PDIA5: variants seen among roughly 807,000 people sequenced by gnomAD.
The protein encoded by PDIA5 is protein disulfide-isomerase A5.
In PDIA5, 58 loss-of-function variants were observed where a neutral mutation model predicts 77.6. The observed-to-expected ratio is 0.75, with a 90% CI of 0.61 to 0.93. The LOEUF is 0.93. Ranked by LOEUF, PDIA5 falls within the 40% of genes least tolerant of loss-of-function variation. The pLI, the probability that PDIA5 is intolerant of heterozygous loss-of-function variation, is 0.00. For missense variants in PDIA5, 630 were observed against 647.7 expected (o/e 0.97, Z 0.30); for synonymous variants, 250 against 252.1 (o/e 0.99, Z 0.08).
chr3:123,107,130 TTCTC>T (rs1447526918), intron 6 of PDIA5, among the ~76,000 whole-genome samples: 1 of 152,194 alleles, frequency 6.6e-6, no homozygotes, highest in Non-Finnish European at 1.5e-5. Flanking sequence ...GATTTAAATG[TTCTC>T]TCTCTATTGT....
chr3:123,161,028 A>C (rs575723703), intron 15 of PDIA5, among the ~76,000 whole-genome samples: 1 of 152,166 alleles, frequency 6.6e-6, no homozygotes, highest in Non-Finnish European at 1.5e-5. Context: ...GGTGTTTACA[A>C]ATGCTTTCAA....
In PDIA5 at chr3:123,147,426, G is replaced by A. The variant is rs146206168; in HGVS notation, c.1142+1167G>A. Among the ~76,000 whole-genome samples the A allele has an allele frequency of 4.0e-3, 610 of 152,206 alleles. 1 individual carries two copies. The highest frequency in any genetic ancestry group is 0.014 in the African/African-American group (574 of 41,498). Reference sequence around the variant, plus strand: ...GAGGGGGACACAGTTGAACCTATACGGTCTGAGCTACTTTGTTAGGACATC... The same window carrying A: ...GAGGGGGACACAGTTGAACCTATACAGTCTGAGCTACTTTGTTAGGACATC... On this transcript the variant is annotated intron_variant, in intron 13 of 16. Coordinates refer to ENST00000316218, the MANE Select transcript of PDIA5 (RefSeq NM_006810.4).
chr3:123,092,339 T>G lies in PDIA5; in HGVS notation c.170-16T>G, dbSNP rs1458889479. ...CCTTGGTCACAGATGTTTAATTTTTTGTTTTTTTTTTACAGAGGTGGCAGC... is the reference window on the plus strand; with the variant it reads ...CCTTGGTCACAGATGTTTAATTTTTGGTTTTTTTTTTACAGAGGTGGCAGC... On this transcript the variant is annotated splice_polypyrimidine_tract_variant and intron_variant, in intron 2 of 16. Coordinates refer to ENST00000316218, the MANE Select transcript of PDIA5 (RefSeq NM_006810.4). 2.1e-5 allele frequency: 33 copies of G among 1,588,422 alleles called. No homozygotes were observed. Among genetic ancestry groups the G allele is most frequent in the Non-Finnish European group, 2.8e-5 (32 of 1,157,126 alleles).
chr3:123,092,548 G>A (rs1039753841), intron 3 of PDIA5, 106 bp downstream of exon 3: 2 of 842,082 alleles, frequency 2.4e-6, no homozygotes, highest in Admixed American at 2.0e-5. Context: ...CTGGGAGAGA[G>A]GATGCGATGG....
At chr3:123,108,270 C>T (rs1195846215) in intron 6 of PDIA5, among the ~76,000 whole-genome samples, 1 of 147,878 alleles carries the variant, frequency 6.8e-6, no homozygotes, top group African/African-American at 2.5e-5. Flanking sequence ...GTATTGTCAT[C>T]TTGAAGATGT....
intron 8 of PDIA5, among the ~76,000 whole-genome samples, chr3:123,118,233 T>C (rs574703393): frequency 3.3e-5 from 5 of 152,218 alleles, no homozygotes; most frequent in Non-Finnish European, 7.3e-5. Context: ...CTGGAGACAT[T>C]GGCCTTGGGG....
At chr3:123,120,716 G>T (rs935808710) in intron 8 of PDIA5, among the ~76,000 whole-genome samples, 9 of 152,166 alleles carry the variant, frequency 5.9e-5, no homozygotes, top group Non-Finnish European at 1.3e-4. Context: ...TCAAATGCAT[G>T]TCTGAAAATT....
Position 123,110,980 on chromosome 3 carries a change from C to A in PDIA5, c.517C>A (p.Leu173Ile), listed in dbSNP as rs367788985. 6.2e-7 allele frequency: 1 copy of A among 1,613,796 alleles called. No individual in the cohort carries two copies. Among genetic ancestry groups the A allele is most frequent in the Non-Finnish European group, 8.5e-7 (1 of 1,179,898 alleles). Residue 173 changes from leucine to isoleucine, a missense_variant, in exon 7 of 17, where the codon CTC becomes ATC. Physicochemically the swap from Leu to Ile is conservative, Grantham distance 5. Transcript: ENST00000316218. ...RRLLKKEEKP[L>I]LIMFYAPWCS... The stretch of plus-strand genomic sequence containing the variant: ...GCTCCTGAAGAAGGAAGAGAAGCCG[C>A]TCCTGATCATGTTTTATGCCCCCTG...
At chr3:123,073,247 G>A (rs1933770735) in intron 1 of PDIA5, among the ~76,000 whole-genome samples, 1 of 152,222 alleles carries the variant, frequency 6.6e-6, no homozygotes, top group Non-Finnish European at 1.5e-5. Context: ...AGGGATGGGT[G>A]GCTGGACAGG....
At chr3:123,132,018 C>T (rs1458121504) in intron 11 of PDIA5, among the ~76,000 whole-genome samples, 1 of 152,206 alleles carries the variant, frequency 6.6e-6, no homozygotes, top group African/African-American at 2.4e-5. Flanking sequence ...TCCTCTTAAT[C>T]ATAGGGTCCT....
chr3:123,130,524 A>T lies in PDIA5; in HGVS notation c.818A>T (p.Asp273Val), dbSNP rs967953203. 5.6e-6 allele frequency: 9 copies of T among 1,613,986 alleles called. No homozygotes were observed. The highest frequency in any genetic ancestry group is 1.3e-5 in the African/African-American group (1 of 74,930). ...QPQVPETPWA[D>V]EGGSVYHLTD... Reference sequence around the variant, plus strand: ...CAGGTCCCTGAGACTCCCTGGGCAGATGAGGGCGGCTCCGTTTATCACCTG... The same window carrying T: ...CAGGTCCCTGAGACTCCCTGGGCAGTTGAGGGCGGCTCCGTTTATCACCTG... Residue 273 changes from aspartate to valine, a missense_variant, in exon 11 of 17, where the codon GAT becomes GTT. By Grantham distance (152) the Asp-to-Val change is radical. Transcript: ENST00000316218.
intron 10 of PDIA5, among the ~76,000 whole-genome samples, chr3:123,128,595 A>T (rs1252200889): frequency 6.6e-6 from 1 of 151,966 alleles, no homozygotes; most frequent in Non-Finnish European, 1.5e-5. Context: ...GCAGCTTTGA[A>T]CTCCTGGACT....
intron 7 of PDIA5, 44 bp downstream of exon 7, chr3:123,111,048 T>A: frequency 1.4e-6 from 2 of 1,454,512 alleles, no homozygotes; most frequent in Non-Finnish European, 1.9e-6. Context: ...TTGTTTAGTC[T>A]CTTTGTGGGT....
At chr3:123,151,232 T>G (rs1935885630) in intron 14 of PDIA5, among the ~76,000 whole-genome samples, 1 of 152,260 alleles carries the variant, frequency 6.6e-6, no homozygotes, top group South Asian at 2.1e-4. Flanking sequence ...TCTTTCTGCC[T>G]TTCCTTCTCA....
At position 123,089,045 on chromosome 3, in the gene PDIA5, T is replaced by C. The variant is rs149210093; in HGVS notation, c.43-123T>C. The C allele has an allele frequency of 3.0e-3, 2,447 of 813,964 alleles. 39 individuals are homozygous for C. In the African/African-American group the frequency reaches 0.037, roughly 12 times the overall value. 50.4% of individuals were successfully genotyped at this position (813,964 alleles called of 1,614,324 possible). A position where few individuals can be genotyped will look rare whatever the true frequency, so the allele number is the denominator to read the frequency against. ...GAAGAAGTAGGTGTGGTGCATGAGA[T>C]GTGTTGGTTTGCCCTCATCCTCTGG... is the stretch of plus-strand genomic sequence containing the variant. On this transcript the variant is annotated intron_variant, in intron 1 of 16. Coordinates refer to ENST00000316218, the MANE Select transcript of PDIA5 (RefSeq NM_006810.4).
At chr3:123,127,050 G>T (rs1472779885) in intron 10 of PDIA5, among the ~76,000 whole-genome samples, 2 of 152,176 alleles carry the variant, frequency 1.3e-5, no homozygotes, top group Admixed American at 6.5e-5. Flanking sequence ...TTTGGGCAGG[G>T]TCATTTTGGC....
rs573691069 is a variant in PDIA5, at chr3:123,102,429, A to G, written c.276A>G (p.Lys92=). The change falls in exon 4 of 17, where the codon AAA becomes AAG. Residue 92 remains lysine (K), a synonymous_variant. Coordinates refer to ENST00000316218, the MANE Select transcript of PDIA5 (RefSeq NM_006810.4). ...CTTCCAGTGATGCAGAGAGTAGAAA[A>G]TTGTGCAAGAAGATGAAAGTTGACC... ...WVDCGDAESR[K]LCKKMKVDLS... is the part of the protein sequence containing the mutation. 1 of 1,613,962 alleles carries G rather than the reference A, an allele frequency of 6.2e-7. No homozygotes were observed. The highest frequency in any genetic ancestry group is 8.5e-7 in the Non-Finnish European group (1 of 1,179,780).
In PDIA5 at chr3:123,124,151, A is replaced by T. The variant is rs756194359; in HGVS notation, c.695A>T (p.Tyr232Phe). The change falls in exon 9 of 17, where the codon TAT (tyrosine) becomes TTT (phenylalanine). Residue 232 changes from tyrosine (Y) to phenylalanine (F), a missense_variant. Coordinates refer to ENST00000316218, the MANE Select transcript of PDIA5 (RefSeq NM_006810.4). ...GTGCGCGGCTTCCCCACCATCTGCT[A>T]TTTTGAGTACGTCCCCCACTTTCCT... is the stretch of plus-strand genomic sequence containing the variant. ...YSVRGFPTICYFEKGRFLFQY... is the reference protein window; with the variant it reads ...YSVRGFPTICFFEKGRFLFQY... 3 of 1,612,592 alleles carry T rather than the reference A, an allele frequency of 1.9e-6. No homozygotes were observed. The African/African-American group carries it at 4.0e-5, about 22-fold the overall frequency.
chr3:123,117,542 C>T (rs1419958301), intron 8 of PDIA5, among the ~76,000 whole-genome samples: 3 of 151,478 alleles, frequency 2.0e-5, no homozygotes, highest in Admixed American at 2.0e-4. Context: ...ATGATTTTGA[C>T]TATTTTAAGT....
Sources: gnomAD v4.1 joint callset for allele counts (sites outside exome capture counted in the v4.1 genomes callset) on GRCh38, gnomAD v4.1.1 for gene constraint, MANE v1.5 for transcripts, NCBI Gene and HGNC (gene_info 2026-07-23, HGNC 2026-07-21) for gene names.